NRG3: variants seen among roughly 807,000 people sequenced by gnomAD.
NRG3 encodes neuregulin 3, also known as pro-neuregulin-3, membrane-bound isoform.
In NRG3, 31 loss-of-function variants were observed where a neutral mutation model predicts 66.9. That is an observed-to-expected ratio of 0.46 (90% CI 0.35 to 0.63). The LOEUF (loss-of-function observed/expected upper bound fraction) is 0.63. Ranked by LOEUF, NRG3 falls within the 20% of genes least tolerant of loss-of-function variation. NRG3 has a pLI of 0.00. For missense variants in NRG3, 910 were observed against 878.9 expected (o/e 1.04, Z -0.45); for synonymous variants, 393 against 359.4 (o/e 1.09, Z -1.06).
At chr10:82,417,261 G>A (rs1554914872) in intron 2 of NRG3, among the ~76,000 whole-genome samples, 1 of 152,170 alleles carries the variant, frequency 6.6e-6, no homozygotes, top group Non-Finnish European at 1.5e-5. Context: ...GGTGAACATG[G>A]TTCAATAAGA....
intron 5 of NRG3, among the ~76,000 whole-genome samples, chr10:82,956,197 A>C (rs1353466225): frequency 2.0e-5 from 3 of 151,940 alleles, no homozygotes; most frequent in Admixed American, 6.6e-5. Context: ...CTTACATCTC[A>C]TTTCTTTCTA....
chr10:82,803,044 T>C (rs1203687099), intron 3 of NRG3, among the ~76,000 whole-genome samples: 3 of 152,184 alleles, frequency 2.0e-5, no homozygotes, highest in African/African-American at 7.2e-5. Context: ...AAAGATTTTA[T>C]GATGTAGAAA....
At chr10:82,818,068 G>C (rs542043949) in intron 3 of NRG3, among the ~76,000 whole-genome samples, 5 of 152,232 alleles carry the variant, frequency 3.3e-5, no homozygotes, top group Non-Finnish European at 7.3e-5. Context: ...GAGTAGCCAC[G>C]CATGGGCTGT....
At chr10:82,292,525 C>A (rs924882620) in intron 1 of NRG3, among the ~76,000 whole-genome samples, 1 of 152,150 alleles carries the variant, frequency 6.6e-6, no homozygotes, top group South Asian at 2.1e-4. Context: ...CACATAGAAA[C>A]CTCTACTTAA....
intron 1 of NRG3, among the ~76,000 whole-genome samples, chr10:82,310,522 C>T (rs918351127): frequency 5.3e-5 from 8 of 152,084 alleles, no homozygotes; most frequent in Non-Finnish European, 1.0e-4. Context: ...AAATGAATAA[C>T]GTTGAGACAA....
chr10:82,387,142 C>A (rs1177865647), intron 2 of NRG3, among the ~76,000 whole-genome samples: 3 of 152,102 alleles, frequency 2.0e-5, no homozygotes, highest in African/African-American at 7.2e-5. Flanking sequence ...TTCATTTTTG[C>A]CAATTATGTT....
chr10:82,095,885 C>A (rs956243913), intron 1 of NRG3, among the ~76,000 whole-genome samples: 1 of 152,116 alleles, frequency 6.6e-6, no homozygotes, highest in Non-Finnish European at 1.5e-5. Context: ...CTGAGCACTT[C>A]AACGTGGGGA....
chr10:82,776,212 G>T (rs781297624), intron 3 of NRG3, among the ~76,000 whole-genome samples: 24 of 152,076 alleles, frequency 1.6e-4, no homozygotes, highest in Non-Finnish European at 2.4e-4. Flanking sequence ...ATTTTAGGTT[G>T]GCAGTTTTCT....
intron 3 of NRG3, among the ~76,000 whole-genome samples, chr10:82,804,959 G>T (rs528395382): frequency 1.3e-5 from 2 of 152,160 alleles, no homozygotes; most frequent in Non-Finnish European, 2.9e-5. Context: ...TACTACTGGG[G>T]TTAGTACTAC....
At chr10:82,400,804 A>G (rs1292459125) in intron 2 of NRG3, among the ~76,000 whole-genome samples, 1 of 151,990 alleles carries the variant, frequency 6.6e-6, no homozygotes, top group Non-Finnish European at 1.5e-5. Context: ...GAAACTGCTG[A>G]GCTCAAGCCA....
chr10:82,743,768 T>G (rs558221978), intron 3 of NRG3, among the ~76,000 whole-genome samples: 1 of 152,246 alleles, frequency 6.6e-6, no homozygotes, highest in Non-Finnish European at 1.5e-5. Context: ...GGAGCCTGGG[T>G]AGGCATTTGC....
At chr10:82,609,363 CT>C (rs1334008817) in intron 2 of NRG3, among the ~76,000 whole-genome samples, 6 of 152,072 alleles carry the variant, frequency 3.9e-5, no homozygotes. Context: ...TGGTATGTAG[CT>C]TTATTGAACT....
chr10:82,720,258 C>T (rs181763562), intron 2 of NRG3, among the ~76,000 whole-genome samples: 83 of 152,124 alleles, frequency 5.5e-4, no homozygotes, highest in African/African-American at 1.5e-3. Flanking sequence ...GGTGTGGTGG[C>T]GCATTCCTGT....
chr10:82,119,252 C>A (rs1384030975), intron 1 of NRG3, among the ~76,000 whole-genome samples: 1 of 152,002 alleles, frequency 6.6e-6, no homozygotes, highest in Non-Finnish European at 1.5e-5. Context: ...GTGCAATAGA[C>A]CTCAAAACCA....
intron 2 of NRG3, among the ~76,000 whole-genome samples, chr10:82,628,379 A>T (rs1460301534): frequency 6.6e-6 from 1 of 152,154 alleles, no homozygotes; most frequent in Non-Finnish European, 1.5e-5. Context: ...CCAGATTCTC[A>T]GATGGGCTTA....
At chr10:82,349,704 A>T (rs561064725) in intron 1 of NRG3, among the ~76,000 whole-genome samples, 1 of 152,020 alleles carries the variant, frequency 6.6e-6, no homozygotes, top group Non-Finnish European at 1.5e-5. Flanking sequence ...CTGCTGTGCT[A>T]GCAATCAGGG....
At chr10:81,996,904 G>T (rs746913900) in intron 1 of NRG3, among the ~76,000 whole-genome samples, 39 of 151,672 alleles carry the variant, frequency 2.6e-4, no homozygotes, top group Non-Finnish European at 5.2e-4. Context: ...CTCTAAAATG[G>T]TATCTCACAT....
chr10:82,709,372 G>GGT (rs2056516046), intron 2 of NRG3, among the ~76,000 whole-genome samples: 1 of 90,592 alleles, frequency 1.1e-5, no homozygotes, highest in African/African-American at 3.8e-5. Flanking sequence ...TTTTGTTTTT[G>GGT]TTTTTTGTTT....
chr10:82,030,537 A>T (rs895924329), intron 1 of NRG3, among the ~76,000 whole-genome samples: 5 of 152,096 alleles, frequency 3.3e-5, no homozygotes, highest in Non-Finnish European at 7.4e-5. Flanking sequence ...CTAAATAGAA[A>T]GTCAGATGTA....
Sources: gnomAD v4.1 joint callset for allele counts (sites outside exome capture counted in the v4.1 genomes callset) on GRCh38, gnomAD v4.1.1 for gene constraint, MANE v1.5 for transcripts, NCBI Gene and HGNC (gene_info 2026-07-23, HGNC 2026-07-21) for gene names.